The following COL5A2 variants were observed in gnomAD, a reference collection of about 807,000 sequenced individuals.
COL5A2 encodes collagen alpha-2(V) chain.
A neutral mutation model predicts 208.2 loss-of-function variants in COL5A2; 23 were observed. The ratio of observed to expected loss-of-function variants is 0.11; its 90% CI spans 0.08 to 0.16. The LOEUF is 0.16. Among genes scored for constraint, COL5A2 ranks in the 10% least tolerant of loss-of-function variants. COL5A2 has a pLI of 1.00. For synonymous variants in COL5A2, 625 were observed against 628.5 expected (o/e 0.99, Z 0.08); for missense variants, 1,590 against 1,956.4 (o/e 0.81, Z 3.53).
rs1414939360 is a variant in COL5A2 at position 189,151,571 on chromosome 2, T to C, written c.97+27937A>G. Among the ~76,000 whole-genome samples the C allele has an allele frequency of 2.6e-5, 4 of 152,302 alleles. No individual in the cohort carries two copies. The East Asian group carries it at 7.7e-4, about 29-fold the overall frequency. Reference sequence around the variant, plus strand: ...ACCTGACATTTAGTTTTTGCTTCTATACAATTCATTTCAGTTAGTTTACCC... The same window carrying C: ...ACCTGACATTTAGTTTTTGCTTCTACACAATTCATTTCAGTTAGTTTACCC... On this transcript the variant is annotated intron_variant, in intron 1 of 53. Transcript: ENST00000374866.
chr2:189,103,291 A>G (rs1012175129), intron 3 of COL5A2, among the ~76,000 whole-genome samples: 2 of 152,136 alleles, frequency 1.3e-5, no homozygotes, highest in Admixed American at 6.6e-5. Context: ...AATTTATTCC[A>G]AATGAGACAA....
chr2:189,058,496 T>C lies in COL5A2; in HGVS notation c.2162A>G (p.Glu721Gly). 1 of 1,614,034 alleles carries C rather than the reference T, an allele frequency of 6.2e-7. No individual in the cohort carries two copies. The highest frequency in any genetic ancestry group is 8.5e-7 in the Non-Finnish European group (1 of 1,179,954). Residue 721 changes from glutamate (E) to glycine (G), a missense_variant, in exon 33 of 54, where the codon GAA (glutamate) becomes GGA (glycine). Transcript: ENST00000374866. ...GERGNPGERG[E>G]PGITGLPGEK... is the part of the protein sequence containing the mutation. ...ACCAGGGAGTCCAGTTATCCCAGGTTCTCCTCTTTCCCCAGGATTTCCTCG... is the reference window on the plus strand; with the variant it reads ...ACCAGGGAGTCCAGTTATCCCAGGTCCTCCTCTTTCCCCAGGATTTCCTCG...
chr2:189,335,303 G>C, the COL5A2 span, among the ~76,000 whole-genome samples: 1 of 151,950 alleles, frequency 6.6e-6, no homozygotes, highest in Non-Finnish European at 1.5e-5. Flanking sequence ...TTTTAAAGCA[G>C]ACAACAACAA....
At chr2:189,073,096 T>C (rs1030953923) in intron 17 of COL5A2, among the ~76,000 whole-genome samples, 2 of 152,170 alleles carry the variant, frequency 1.3e-5, no homozygotes, top group African/African-American at 4.8e-5. Flanking sequence ...TCAATTTCTA[T>C]AATTATACTT....
chr2:189,432,148 G>A, the COL5A2 span, among the ~76,000 whole-genome samples: 3,659 of 152,254 alleles, frequency 0.024, 160 homozygotes, highest in African/African-American at 0.084. Context: ...AGCAAATGCT[G>A]AGAGATTCTG....
chr2:189,094,437 C>G (rs1395798715), intron 6 of COL5A2, among the ~76,000 whole-genome samples: 4 of 151,480 alleles, frequency 2.6e-5, no homozygotes, highest in African/African-American at 9.7e-5. Context: ...CCAAGATACT[C>G]AAATACCTCC....
the COL5A2 span, among the ~76,000 whole-genome samples, chr2:189,269,975 G>A: frequency 6.6e-6 from 1 of 152,140 alleles, no homozygotes; most frequent in Non-Finnish European, 1.5e-5. Flanking sequence ...GGGTGTATGT[G>A]TCCAGGAATT....
At chr2:189,143,345 C>G (rs1162302701) in intron 1 of COL5A2, among the ~76,000 whole-genome samples, 1 of 152,100 alleles carries the variant, frequency 6.6e-6, no homozygotes. Context: ...GCACTGTTTT[C>G]TATTTCAGAC....
At chr2:189,192,189 G>C (rs992460871) in intron 1 of COL5A2, among the ~76,000 whole-genome samples, 1 of 152,052 alleles carries the variant, frequency 6.6e-6, no homozygotes, top group Non-Finnish European at 1.5e-5. Flanking sequence ...AAAGTAAAAT[G>C]CTTTACTTTA....
intron 51 of COL5A2, among the ~76,000 whole-genome samples, chr2:189,039,038 T>C (rs1240334924): frequency 1.3e-5 from 2 of 152,190 alleles, no homozygotes; most frequent in East Asian, 1.9e-4. Context: ...TGAGATGGTA[T>C]CTCACTATGG....
chr2:189,084,793 A>G (rs1419804355), intron 11 of COL5A2, among the ~76,000 whole-genome samples: 3 of 152,202 alleles, frequency 2.0e-5, no homozygotes, highest in African/African-American at 7.2e-5. Flanking sequence ...TTCCTTTTAA[A>G]TAAGACCTCA....
chr2:189,221,229 T>C (rs1424535202), intron 1 of COL5A2, among the ~76,000 whole-genome samples: 1 of 152,176 alleles, frequency 6.6e-6, no homozygotes, highest in African/African-American at 2.4e-5. Context: ...AAAAAATAAT[T>C]ACGGCATAAA....
At chr2:189,363,893 C>A in the COL5A2 span, among the ~76,000 whole-genome samples, 4 of 152,192 alleles carry the variant, frequency 2.6e-5, no homozygotes, top group African/African-American at 9.7e-5. Context: ...TGCTATAACC[C>A]ACCGTGTTGA....
intron 6 of COL5A2, among the ~76,000 whole-genome samples, chr2:189,093,953 T>G (rs1686845131): frequency 6.6e-6 from 1 of 152,230 alleles, no homozygotes; most frequent in South Asian, 2.1e-4. Context: ...CAGATATTAT[T>G]ACATACAAAA....
the COL5A2 span, among the ~76,000 whole-genome samples, chr2:189,432,562 C>A: frequency 6.2e-4 from 95 of 152,024 alleles, no homozygotes; most frequent in Admixed American, 3.7e-3. Flanking sequence ...TTTAAACCAA[C>A]AAATATTAAA....
chr2:189,194,634 T>C (rs1688974719), intron 1 of COL5A2, among the ~76,000 whole-genome samples: 1 of 152,168 alleles, frequency 6.6e-6, no homozygotes, highest in Admixed American at 6.5e-5. Context: ...TTTAAAATGT[T>C]ATAAATGAGA....
chr2:189,401,678 CCAA>C, the COL5A2 span, among the ~76,000 whole-genome samples: 1 of 152,234 alleles, frequency 6.6e-6, no homozygotes, highest in South Asian at 2.1e-4. Flanking sequence ...TACACTCCCA[CCAA>C]CAATGTAAAA....
chr2:189,340,512 C>A, the COL5A2 span, among the ~76,000 whole-genome samples: 1 of 152,360 alleles, frequency 6.6e-6, no homozygotes, highest in East Asian at 1.9e-4. Context: ...GCTCCCTAGG[C>A]TCCCAAACCA....
chr2:189,116,271 C>T (rs1257214297), intron 1 of COL5A2, among the ~76,000 whole-genome samples: 1 of 152,182 alleles, frequency 6.6e-6, no homozygotes, highest in Non-Finnish European at 1.5e-5. Flanking sequence ...ACAGATGCTG[C>T]CTTTAGTAAT....
Sources: gnomAD v4.1 joint callset for allele counts (sites outside exome capture counted in the v4.1 genomes callset) on GRCh38, gnomAD v4.1.1 for gene constraint, MANE v1.5 for transcripts, NCBI Gene and HGNC (gene_info 2026-07-23, HGNC 2026-07-21) for gene names.